PITPNC1: variants seen among roughly 807,000 people sequenced by gnomAD.
PITPNC1 encodes the protein cytoplasmic phosphatidylinositol transfer protein 1.
Under a neutral mutation model 44.7 loss-of-function variants are expected in PITPNC1, and 18 were observed. The observed-to-expected ratio is 0.40, with a 90% CI of 0.28 to 0.60. PITPNC1 has a LOEUF of 0.60. PITPNC1 is among the 20% of genes least tolerant of loss of function. The pLI, the probability that PITPNC1 is intolerant of heterozygous loss-of-function variation, is 0.39. For missense variants in PITPNC1, 290 were observed against 418.4 expected (o/e 0.69, Z 2.68); for synonymous variants, 141 against 149.6 (o/e 0.94, Z 0.42).
chr17:67,461,796 T>G (rs1000758330), intron 1 of PITPNC1, among the ~76,000 whole-genome samples: 1 of 152,140 alleles, frequency 6.6e-6, no homozygotes. Flanking sequence ...CCTGGGTGAC[T>G]GAGGGAGACC....
At chr17:67,601,479 C>T (rs1021750094) in intron 5 of PITPNC1, among the ~76,000 whole-genome samples, 2 of 151,900 alleles carry the variant, frequency 1.3e-5, no homozygotes, top group South Asian at 4.2e-4. Context: ...CTGGGCACCC[C>T]GTGGCTCATC....
chr17:67,638,969 A>G (rs970610224), intron 6 of PITPNC1: 1 of 152,068 alleles, frequency 6.6e-6, no homozygotes, highest in Non-Finnish European at 1.5e-5. Flanking sequence ...AAAAATAAAA[A>G]TAAATTCTCT....
chr17:67,692,901 A>G lies in PITPNC1; in HGVS notation c.*13A>G, dbSNP rs1265037902. The G allele has an allele frequency of 1.4e-6, 2 of 1,442,144 alleles. No homozygotes were observed. 89.3% of individuals were successfully genotyped at this position (1,442,144 alleles called of 1,614,324 possible). ...CAAATCTGAGTAACTTTATATAAATATCTCATGGGGTTTTATATTTTCATT... is the reference window on the plus strand; with the variant it reads ...CAAATCTGAGTAACTTTATATAAATGTCTCATGGGGTTTTATATTTTCATT... On this transcript the variant is annotated 3_prime_UTR_variant, in exon 9 of 9. Transcript: ENST00000581322.
At chr17:67,474,226 G>A (rs546685595) in intron 1 of PITPNC1, among the ~76,000 whole-genome samples, 1 of 152,146 alleles carries the variant, frequency 6.6e-6, no homozygotes, top group African/African-American at 2.4e-5. Context: ...CCACAAATGG[G>A]TAAGAGGAAA....
At chr17:67,402,931 T>C (rs2143824922) in intron 1 of PITPNC1, among the ~76,000 whole-genome samples, 1 of 152,278 alleles carries the variant, frequency 6.6e-6, no homozygotes, top group African/African-American at 2.4e-5. Context: ...CCTCCCAAAG[T>C]GCTGGGATTA....
intron 5 of PITPNC1, among the ~76,000 whole-genome samples, chr17:67,595,309 G>T (rs566423005): frequency 1.9e-3 from 290 of 152,228 alleles, no homozygotes; most frequent in Non-Finnish European, 3.2e-3. Context: ...TGACTTGATA[G>T]AACTCTGAAA....
intron 2 of PITPNC1, among the ~76,000 whole-genome samples, chr17:67,546,050 G>A (rs931012122): frequency 3.3e-5 from 5 of 151,662 alleles, no homozygotes; most frequent in African/African-American, 9.7e-5. Flanking sequence ...AAAATTAACC[G>A]GGAGTGGTGT....
intron 1 of PITPNC1, chr17:67,457,014 T>C (rs575148337): frequency 6.6e-6 from 1 of 151,972 alleles, no homozygotes; most frequent in East Asian, 1.9e-4. Flanking sequence ...TCTTTTTTCT[T>C]ATTTATTTGG....
At chr17:67,408,038 C>A (rs2038427210) in intron 1 of PITPNC1, among the ~76,000 whole-genome samples, 1 of 151,860 alleles carries the variant, frequency 6.6e-6, no homozygotes, top group Non-Finnish European at 1.5e-5. Flanking sequence ...TGAACGCAAC[C>A]TCCGCCTCCC....
chr17:67,534,528 C>T (rs1318725959), intron 2 of PITPNC1, among the ~76,000 whole-genome samples: 2 of 151,838 alleles, frequency 1.3e-5, no homozygotes, highest in Non-Finnish European at 2.9e-5. Context: ...GCCCCAGCTA[C>T]TTGGAAGGCT....
At chr17:67,473,523 G>A (rs1173062019) in intron 1 of PITPNC1, among the ~76,000 whole-genome samples, 1 of 151,588 alleles carries the variant, frequency 6.6e-6, no homozygotes, top group African/African-American at 2.4e-5. Flanking sequence ...AGTAGAGACG[G>A]GGTTTCACCG....
intron 5 of PITPNC1, among the ~76,000 whole-genome samples, chr17:67,580,408 C>T (rs1372236910): frequency 3.9e-5 from 6 of 152,134 alleles, no homozygotes; most frequent in South Asian, 2.1e-4. Flanking sequence ...TGCAGTAGCA[C>T]GATCTCAGGT....
intron 1 of PITPNC1, among the ~76,000 whole-genome samples, chr17:67,447,452 T>A (rs2039114696): frequency 6.6e-6 from 1 of 151,994 alleles, no homozygotes; most frequent in Non-Finnish European, 1.5e-5. Context: ...CTCTCTCTCT[T>A]TTTTAATGGA....
At chr17:67,657,587 G>A (rs557659281) in intron 6 of PITPNC1, among the ~76,000 whole-genome samples, 3 of 150,760 alleles carry the variant, frequency 2.0e-5, no homozygotes, top group South Asian at 2.1e-4. Flanking sequence ...CTCAGGCCCC[G>A]GTGTCCTTAT....
chr17:67,393,366 T>G (rs2143804741), intron 1 of PITPNC1, among the ~76,000 whole-genome samples: 1 of 152,148 alleles, frequency 6.6e-6, no homozygotes, highest in Admixed American at 6.5e-5. Context: ...CCATCCTACT[T>G]TCTGTCTCTG....
At chr17:67,463,327 C>T (rs2039371967) in intron 1 of PITPNC1, among the ~76,000 whole-genome samples, 1 of 151,984 alleles carries the variant, frequency 6.6e-6, no homozygotes, top group Non-Finnish European at 1.5e-5. Flanking sequence ...AACTTATGTG[C>T]ATTATTGATT....
intron 6 of PITPNC1, among the ~76,000 whole-genome samples, chr17:67,635,242 G>A (rs768539170): frequency 9.9e-5 from 15 of 152,158 alleles, no homozygotes; most frequent in Non-Finnish European, 1.6e-4. Context: ...AGGTTCTGTC[G>A]TGGCTTGCGC....
In PITPNC1 at chr17:67,449,412, T is replaced by C. The variant is rs374518911; in HGVS notation, c.48+71210T>C. On this transcript the variant is annotated intron_variant, in intron 1 of 8. Transcript: ENST00000581322. ...TGGAGTCTATCAGCCTGTAGTGTTC[T>C]AATCACCTATTTTGAAGCCTTGCTG... Among the ~76,000 whole-genome samples the C allele has an allele frequency of 3.2e-4, 48 of 152,366 alleles. No homozygotes were observed. The East Asian group carries it at 4.2e-3, about 13-fold the overall frequency.
intron 4 of PITPNC1, among the ~76,000 whole-genome samples, chr17:67,554,448 G>A (rs1027548767): frequency 6.6e-6 from 1 of 151,984 alleles, no homozygotes; most frequent in Non-Finnish European, 1.5e-5. Context: ...GGTAGAGATG[G>A]GGTTTCACCA....
Sources: gnomAD v4.1 joint callset for allele counts (sites outside exome capture counted in the v4.1 genomes callset) on GRCh38, gnomAD v4.1.1 for gene constraint, MANE v1.5 for transcripts, NCBI Gene and HGNC (gene_info 2026-07-23, HGNC 2026-07-21) for gene names.